The following RAG1 variants were observed in gnomAD, a reference collection of about 807,000 sequenced individuals.
RAG1 encodes recombination activating 1, also known as V(D)J recombination-activating protein 1.
Under a neutral mutation model 62.7 loss-of-function variants are expected in RAG1, and 35 were observed. The observed-to-expected ratio is 0.56, with a 90% CI of 0.43 to 0.74. The LOEUF (loss-of-function observed/expected upper bound fraction) is 0.74, where lower values mean the gene tolerates loss of function less well. Ranked by LOEUF, RAG1 falls within the 30% of genes least tolerant of loss-of-function variation. The pLI, the probability that RAG1 is intolerant of heterozygous loss-of-function variation, is 0.00. For synonymous variants in RAG1, 461 were observed against 470.3 expected (o/e 0.98, Z 0.26); for missense variants, 1,169 against 1,278.6 (o/e 0.91, Z 1.31).
intron 1 of RAG1, 82 bp from the exon 2 acceptor site, chr11:36,573,209 T>C: frequency 7.7e-7 from 1 of 1,290,322 alleles, no homozygotes; most frequent in Non-Finnish European, 1.1e-6. Context: ...AATAATTGAA[T>C]GTATTTATTT....
chr11:36,544,991 T>A (rs977900439), intron 3 of RAG1, among the ~76,000 whole-genome samples: 2 of 152,232 alleles, frequency 1.3e-5, no homozygotes, highest in Admixed American at 1.3e-4. Context: ...TTACCCAGTC[T>A]CAGGTAGTTC....
rs1850824202 is a variant in RAG1, at chr11:36,575,209, C to T, written c.1905C>T (p.Ala635=). ...FSFTIMKITI[A]HSSQNVKVFE... ...TCACAATCATGAAAATTACTATTGCCCACAGCTCTCAGAATGTGAAAGTAT... is the reference window on the plus strand; with the variant it reads ...TCACAATCATGAAAATTACTATTGCTCACAGCTCTCAGAATGTGAAAGTAT... The change falls in exon 2 of 2, where the codon GCC becomes GCT. Residue 635 remains alanine (A), a synonymous_variant. Transcript: ENST00000299440. This position sits in a 1 kb window ranked among gnomAD's most constrained non-coding sequence, Gnocchi z 4.1. 2 of 1,614,140 alleles carry T rather than the reference C, an allele frequency of 1.2e-6. No homozygotes were observed. The highest frequency in any genetic ancestry group is 8.5e-7 in the Non-Finnish European group (1 of 1,180,016).
chr11:36,544,045 A>G (rs1433106926), intron 3 of RAG1, among the ~76,000 whole-genome samples: 1 of 152,208 alleles, frequency 6.6e-6, no homozygotes, highest in East Asian at 1.9e-4. Flanking sequence ...AATTATATAC[A>G]TATGGAACAT....
chr11:36,573,957 G>T lies in RAG1; in HGVS notation c.653G>T (p.Arg218Leu), dbSNP rs202178215. 6.2e-7 allele frequency: 1 copy of T among 1,613,980 alleles called. No homozygotes were observed. The highest frequency in any genetic ancestry group is 1.7e-5 in the Admixed American group (1 of 59,998). ...TPSCDICNTA[R>L]RGLKRKSLQP... Reference sequence around the variant, plus strand: ...TCCTGTGACATCTGCAACACTGCCCGTCGGGGACTCAAGAGGAAGAGTCTT... The same window carrying T: ...TCCTGTGACATCTGCAACACTGCCCTTCGGGGACTCAAGAGGAAGAGTCTT... The change falls in exon 2 of 2, where the codon CGT (arginine) becomes CTT (leucine). Residue 218 changes from arginine (R) to leucine (L), a missense_variant. Arg to Leu is a moderately radical substitution (Grantham distance 102). This residue lies in a region of RAG1 where 369 missense variants were observed against 335.3 expected (regional missense o/e 1.10). Transcript: ENST00000299440.
rs1470892362 is a variant in RAG1, at chr11:36,575,258, G to A, written c.1954G>A (p.Glu652Lys). 10 of 1,614,080 alleles carry A rather than the reference G, an allele frequency of 6.2e-6. No homozygotes were observed. The highest frequency in any genetic ancestry group is 8.5e-6 in the Non-Finnish European group (10 of 1,180,044). ...KVFEEAKPNS[E>K]LCCKPLCLML... Reference sequence around the variant, plus strand: ...ATTTGAAGAAGCCAAACCTAACTCTGAACTGTGTTGCAAGCCATTGTGCCT... The same window carrying A: ...ATTTGAAGAAGCCAAACCTAACTCTAAACTGTGTTGCAAGCCATTGTGCCT... The change falls in exon 2 of 2, where the codon GAA (glutamate) becomes AAA (lysine). Residue 652 changes from glutamate (E) to lysine (K), a missense_variant. Glu to Lys is a moderately conservative substitution (Grantham distance 56, BLOSUM62 1). Around this residue, in one of 2 missense-constraint regions of RAG1, gnomAD observed 800 missense variants for 943.3 expected, o/e 0.85. Coordinates refer to ENST00000299440, the MANE Select transcript of RAG1 (RefSeq NM_000448.3). The surrounding 1 kb of genome is among the most constrained non-coding windows in gnomAD (Gnocchi z 4.1).
In RAG1 at chr11:36,575,095, G is replaced by T; in HGVS notation, c.1791G>T (p.Val597=). Residue 597 remains valine (V), a synonymous_variant, in exon 2 of 2, where the codon GTG becomes GTT. Coordinates refer to ENST00000299440, the MANE Select transcript of RAG1 (RefSeq NM_000448.3). The surrounding 1 kb of genome is among the most constrained non-coding windows in gnomAD (Gnocchi z 4.1). Reference sequence around the variant, plus strand: ...ACCTGAATGGCCCCTTCACTGTGGTGGTGAAGGAGTCTTGTGATGGAATGG... The same window carrying T: ...ACCTGAATGGCCCCTTCACTGTGGTTGTGAAGGAGTCTTGTGATGGAATGG... ...DDYLNGPFTV[V]VKESCDGMGD... is the part of the protein sequence containing the mutation. 6.2e-7 allele frequency: 1 copy of T among 1,614,180 alleles called. No individual in the cohort carries two copies. The highest frequency in any genetic ancestry group is 1.6e-4 in the Middle Eastern group (1 of 6,062).
intron 2 of RAG1, among the ~76,000 whole-genome samples, chr11:36,534,142 G>T (rs901765016): frequency 6.6e-6 from 1 of 151,714 alleles, no homozygotes; most frequent in Non-Finnish European, 1.5e-5. Flanking sequence ...TTCCATAATT[G>T]CTCTCTTCAG....
chr11:36,522,593 A>G (rs1860097404), intron 2 of RAG1, among the ~76,000 whole-genome samples: 1 of 152,194 alleles, frequency 6.6e-6, no homozygotes, highest in African/African-American at 2.4e-5. Context: ...TAGAGTTCCT[A>G]CTGGGGCTCT....
intron 3 of RAG1, among the ~76,000 whole-genome samples, chr11:36,561,553 TA>T (rs1198165988): frequency 6.6e-6 from 1 of 152,204 alleles, no homozygotes; most frequent in Non-Finnish European, 1.5e-5. Flanking sequence ...TGAATGATAT[TA>T]ACATTTAAAC....
chr11:36,573,603 A>G lies in RAG1; in HGVS notation c.299A>G (p.Lys100Arg). 1 of 1,614,212 alleles carries G rather than the reference A, an allele frequency of 6.2e-7. No homozygotes were observed. The highest frequency in any genetic ancestry group is 8.5e-7 in the Non-Finnish European group (1 of 1,180,036). Residue 100 changes from lysine (K) to arginine (R), a missense_variant, in exon 2 of 2, where the codon AAA becomes AGA. Coordinates refer to ENST00000299440, the MANE Select transcript of RAG1 (RefSeq NM_000448.3). ...KFHDNEKARGKAIHQANLRHL... is the reference protein window; with the variant it reads ...KFHDNEKARGRAIHQANLRHL... Reference sequence around the variant, plus strand: ...CACGACAACGAGAAAGCAAGAGGCAAAGCGATCCATCAAGCCAACCTTCGA... The same window carrying G: ...CACGACAACGAGAAAGCAAGAGGCAGAGCGATCCATCAAGCCAACCTTCGA...
intron 3 of RAG1, among the ~76,000 whole-genome samples, chr11:36,548,811 T>C (rs547109377): frequency 6.3e-4 from 95 of 151,966 alleles, no homozygotes; most frequent in African/African-American, 2.2e-3. Context: ...GCCCATATGG[T>C]CAAGACAATT....
At chr11:36,549,393 C>G (rs1211890791) in intron 3 of RAG1, among the ~76,000 whole-genome samples, 2 of 152,128 alleles carry the variant, frequency 1.3e-5, no homozygotes, top group Non-Finnish European at 2.9e-5. Flanking sequence ...GGGCAAATAT[C>G]CAGAAGCTAC....
chr11:36,521,461 A>T (rs1489645147), intron 2 of RAG1, among the ~76,000 whole-genome samples: 1 of 152,178 alleles, frequency 6.6e-6, no homozygotes, highest in African/African-American at 2.4e-5. Flanking sequence ...TATGCCTTTC[A>T]TCTACCATGA....
At position 36,527,285 on chromosome 11, in the gene RAG1, T is replaced by G. The variant is rs528997563; in HGVS notation, n.428+7056T>G. 6.5e-4 allele frequency among the ~76,000 whole-genome samples: 99 copies of G among 152,324 alleles called. 1 individual carries two copies. The highest frequency in any genetic ancestry group is 5.8e-3 in the Admixed American group (89 of 15,302). On this transcript the variant is annotated intron_variant and non_coding_transcript_variant, in intron 2 of 2. Transcript: ENST00000529126. Reference sequence around the variant, plus strand: ...ATAAGGTGTAAGGAAGTGATCCAGTTTCAGCTTTCTGCATATGGCTAGCCA... The same window carrying G: ...ATAAGGTGTAAGGAAGTGATCCAGTGTCAGCTTTCTGCATATGGCTAGCCA...
At chr11:36,538,417 G>A (rs1024457650), downstream of RAG1, among the ~76,000 whole-genome samples, 1 of 152,108 alleles carries the variant, frequency 6.6e-6, no homozygotes, top group Non-Finnish European at 1.5e-5. Flanking sequence ...AAATGCAAAA[G>A]CAAACAAACT....
intron 3 of RAG1, among the ~76,000 whole-genome samples, chr11:36,562,636 CTCT>C (rs1343942460): frequency 6.6e-6 from 1 of 152,140 alleles, no homozygotes; most frequent in Non-Finnish European, 1.5e-5. Flanking sequence ...CCAATTTGAC[CTCT>C]TCTTCTTCCT....
intron 2 of RAG1, among the ~76,000 whole-genome samples, chr11:36,522,370 G>T (rs995587280): frequency 6.6e-6 from 1 of 152,206 alleles, no homozygotes; most frequent in Non-Finnish European, 1.5e-5. Context: ...TTCAGAGGGC[G>T]CAAGCCCCAA....
chr11:36,539,042 T>C (rs949059273), downstream of RAG1, among the ~76,000 whole-genome samples: 1 of 152,200 alleles, frequency 6.6e-6, no homozygotes, highest in Non-Finnish European at 1.5e-5. Context: ...CTCTTGTGGA[T>C]TGAATTGTGT....
rs141101003 is a variant in RAG1, at chr11:36,558,262, A to G, written c.-411-5123A>G. 2.6e-3 allele frequency among the ~76,000 whole-genome samples: 390 copies of G among 152,316 alleles called. 2 individuals carry two copies. Among genetic ancestry groups the G allele is most frequent in the African/African-American group, 8.4e-3 (349 of 41,574 alleles). ...GTGTATTCTGGAGGTATTGGATAAA[A>G]CATTCTATAAGTGTCTGTTAGGTCC... is the stretch of plus-strand genomic sequence containing the variant. On this transcript the variant is annotated intron_variant and NMD_transcript_variant, in intron 3 of 9. Transcript: ENST00000534663.
Sources: gnomAD v4.1 joint callset for allele counts (sites outside exome capture counted in the v4.1 genomes callset) on GRCh38, gnomAD v4.1.1 for gene constraint, gnomAD v4.1.1 regional missense constraint, Gnocchi (gnomAD v3.1) non-coding constraint, MANE v1.5 for transcripts, NCBI Gene and HGNC (gene_info 2026-07-23, HGNC 2026-07-21) for gene names.